SEMA3E: variants seen among roughly 807,000 people sequenced by gnomAD.
SEMA3E encodes semaphorin 3E, also known as semaphorin-3E.
A neutral mutation model predicts 93.6 loss-of-function variants in SEMA3E; 49 were observed. The observed-to-expected ratio is 0.52, with a 90% CI of 0.42 to 0.66. The LOEUF is 0.66. SEMA3E is among the 30% of genes least tolerant of loss of function. The pLI is 0.00. For missense variants in SEMA3E, 906 were observed against 964.8 expected (o/e 0.94, Z 0.81); for synonymous variants, 363 against 330.7 (o/e 1.10, Z -1.06).
intron 1 of SEMA3E, among the ~76,000 whole-genome samples, chr7:83,525,959 T>C (rs1791150090): frequency 6.6e-6 from 1 of 151,998 alleles, no homozygotes; most frequent in Non-Finnish European, 1.5e-5. Context: ...AGGTTATTTT[T>C]TTTTTTTTAG....
chr7:83,419,631 T>G (rs1788633257), intron 4 of SEMA3E, among the ~76,000 whole-genome samples: 2 of 152,164 alleles, frequency 1.3e-5, no homozygotes, highest in Admixed American at 6.6e-5. Context: ...TCCTGACTGG[T>G]GTGAGATGAT....
intron 2 of SEMA3E, among the ~76,000 whole-genome samples, chr7:83,483,559 G>A (rs1790191324): frequency 6.6e-6 from 1 of 151,924 alleles, no homozygotes; most frequent in Admixed American, 6.5e-5. Flanking sequence ...GTCTCACAAG[G>A]AAATTAAGCA....
chr7:83,422,851 T>C (rs1490910876), intron 4 of SEMA3E, among the ~76,000 whole-genome samples: 1 of 152,168 alleles, frequency 6.6e-6, no homozygotes, highest in Non-Finnish European at 1.5e-5. Flanking sequence ...AAATAGAAAA[T>C]GAAAACTGAA....
chr7:83,467,627 T>C (rs997205333), intron 3 of SEMA3E, among the ~76,000 whole-genome samples: 1 of 152,194 alleles, frequency 6.6e-6, no homozygotes, highest in Non-Finnish European at 1.5e-5. Context: ...AGCTATAGCA[T>C]GAAAGGAGCC....
rs768715219 is a variant in SEMA3E at position 83,506,403 on chromosome 7, A to G, written c.116-16129T>C. Reference sequence around the variant, plus strand: ...ATATCACATCTCACTTATTTGTGGGATCTAAAAATCAAAATAATTGATCTG... The same window carrying G: ...ATATCACATCTCACTTATTTGTGGGGTCTAAAAATCAAAATAATTGATCTG... On this transcript the variant is annotated intron_variant, in intron 1 of 16. Transcript: ENST00000643230. Among the ~76,000 whole-genome samples the G allele has an allele frequency of 3.4e-4, 52 of 152,142 alleles. 1 individual carries two copies. Among genetic ancestry groups the G allele is most frequent in the African/African-American group, 7.2e-5 (3 of 41,432 alleles).
At chr7:83,410,746 C>T (rs1004735142) in intron 5 of SEMA3E, among the ~76,000 whole-genome samples, 1 of 152,060 alleles carries the variant, frequency 6.6e-6, no homozygotes, top group African/African-American at 2.4e-5. Flanking sequence ...AACTCTATGG[C>T]ATAAACAACC....
chr7:83,556,890 C>T (rs1256792575), intron 1 of SEMA3E, among the ~76,000 whole-genome samples: 1 of 152,090 alleles, frequency 6.6e-6, no homozygotes, highest in Non-Finnish European at 1.5e-5. Context: ...TTTACCTTTC[C>T]ATCCTCACCT....
chr7:83,399,954 T>C, intron 11 of SEMA3E, 74 bp downstream of exon 11: 1 of 1,207,452 alleles, frequency 8.3e-7, no homozygotes, highest in Non-Finnish European at 1.2e-6. Flanking sequence ...GATAGGTGCT[T>C]TTAGAAATAT....
intron 1 of SEMA3E, among the ~76,000 whole-genome samples, chr7:83,536,283 T>C (rs1243333645): frequency 6.6e-6 from 1 of 152,124 alleles, no homozygotes; most frequent in Non-Finnish European, 1.5e-5. Flanking sequence ...GAGAAATACC[T>C]CTGCATGGAA....
Position 83,443,561 on chromosome 7 carries a change from A to G in SEMA3E, c.456+22921T>C, listed in dbSNP as rs531456530. On this transcript the variant is annotated intron_variant, in intron 4 of 16. Coordinates refer to ENST00000643230, the MANE Select transcript of SEMA3E (RefSeq NM_012431.3). ...AGGGTTGAAATAAAAGCAGTTCACT[A>G]AAGACATTATATAAGAAATAAACAT... is the stretch of plus-strand genomic sequence containing the variant. Among the ~76,000 whole-genome samples, 6 of 152,320 alleles carry G rather than the reference A, an allele frequency of 3.9e-5. No homozygotes were observed. In the South Asian group the frequency reaches 6.2e-4, roughly 16 times the overall value.
Position 83,643,752 on chromosome 7 carries a change from TA to T in SEMA3E, c.115+4675del, listed in dbSNP as rs59407036. 1.1e-3 allele frequency among the ~76,000 whole-genome samples: 167 copies of T among 152,150 alleles called. 1 individual carries two copies. The highest frequency in any genetic ancestry group is 3.9e-3 in the African/African-American group (162 of 41,572). ...TAATTTCTCACAACTTATCCAGTGA[TA>T]TTTTTTATAATATAAACTATTTCTT... On this transcript the variant is annotated intron_variant, in intron 1 of 16. Coordinates refer to ENST00000643230, the MANE Select transcript of SEMA3E (RefSeq NM_012431.3).
intron 4 of SEMA3E, among the ~76,000 whole-genome samples, chr7:83,435,256 T>C (rs1339838267): frequency 6.6e-6 from 1 of 152,158 alleles, no homozygotes; most frequent in African/African-American, 2.4e-5. Context: ...CAAAACATGT[T>C]TGAGTTAACT....
intron 16 of SEMA3E, chr7:83,372,568 A>G: frequency 3.5e-6 from 1 of 284,810 alleles, no homozygotes; most frequent in Non-Finnish European, 6.5e-6. Flanking sequence ...AAAATCAGAA[A>G]CCCAAGTTTG....
chr7:83,518,845 G>A (rs1163244227), intron 1 of SEMA3E, among the ~76,000 whole-genome samples: 2 of 151,988 alleles, frequency 1.3e-5, no homozygotes, highest in Non-Finnish European at 2.9e-5. Context: ...TTTAACCCTT[G>A]TTTCCATCAG....
At chr7:83,498,658 T>A (rs551754731) in intron 1 of SEMA3E, among the ~76,000 whole-genome samples, 4 of 152,070 alleles carry the variant, frequency 2.6e-5, no homozygotes, top group African/African-American at 9.7e-5. Context: ...TTGTATTTTT[T>A]AGTAGAGACG....
intron 1 of SEMA3E, among the ~76,000 whole-genome samples, chr7:83,610,113 T>G (rs1309639679): frequency 6.6e-6 from 1 of 152,152 alleles, no homozygotes; most frequent in South Asian, 2.1e-4. Context: ...AAGACTTTAT[T>G]AAGAATATAA....
rs900866289 is a variant in SEMA3E at position 83,366,398 on chromosome 7, T to G, written c.*1188A>C. Reference sequence around the variant, plus strand: ...GAGAGAGGTAAAAATGCTCTGAATATCTCAGTAGTTAAGTGAACTCATGAA... The same window carrying G: ...GAGAGAGGTAAAAATGCTCTGAATAGCTCAGTAGTTAAGTGAACTCATGAA... On this transcript the variant is annotated 3_prime_UTR_variant, in exon 17 of 17. Transcript: ENST00000643230. 8 of 152,010 alleles carry G rather than the reference T, an allele frequency of 5.3e-5. No homozygotes were observed. Among genetic ancestry groups the G allele is most frequent in the African/African-American group, 1.9e-4 (8 of 41,458 alleles). 9.4% of individuals were successfully genotyped at this position (152,010 alleles called of 1,614,324 possible). A position where few individuals can be genotyped will look rare whatever the true frequency, so the allele number is the denominator to read the frequency against.
chr7:83,454,129 G>A (rs1318245523), intron 4 of SEMA3E, among the ~76,000 whole-genome samples: 3 of 150,610 alleles, frequency 2.0e-5, no homozygotes, highest in African/African-American at 7.3e-5. Context: ...GTGGTGGCGG[G>A]CTCTTGTAGT....
intron 1 of SEMA3E, among the ~76,000 whole-genome samples, chr7:83,635,720 T>C (rs1000986058): frequency 2.0e-5 from 3 of 152,002 alleles, no homozygotes; most frequent in Non-Finnish European, 4.4e-5. Flanking sequence ...ATAACCTGGG[T>C]TGAGAAAGTC....
Sources: allele counts gnomAD v4.1 joint callset (sites outside exome capture counted in the v4.1 genomes callset), GRCh38; gene constraint gnomAD v4.1.1; transcripts MANE v1.5; gene names NCBI Gene and HGNC (gene_info 2026-07-23, HGNC 2026-07-21).